The following TMEM244 variants were observed in gnomAD, a reference collection of about 807,000 sequenced individuals.
TMEM244 encodes the protein transmembrane protein 244.
Under a neutral mutation model 15.8 loss-of-function variants are expected in TMEM244, and 13 were observed. The ratio of observed to expected loss-of-function variants is 0.82; its 90% confidence interval spans 0.53 to 1.30. The LOEUF is 1.30. TMEM244 is among the 50% of genes most tolerant of loss of function. TMEM244 has a pLI of 0.00. For missense variants in TMEM244, 161 were observed against 144.9 expected (o/e 1.11, Z -0.57); for synonymous variants, 45 against 48.7 (o/e 0.92, Z 0.32).
intron 3 of TMEM244, among the ~76,000 whole-genome samples, chr6:129,835,414 A>AAC (rs1193891583): frequency 6.7e-6 from 1 of 150,228 alleles, no homozygotes; most frequent in African/African-American, 2.4e-5. Flanking sequence ...TAAAAAAAAA[A>AAC]AAAAAGAGTT....
chr6:129,848,114 C>A (rs551738656), intron 1 of TMEM244, among the ~76,000 whole-genome samples: 2 of 152,204 alleles, frequency 1.3e-5, no homozygotes, highest in Non-Finnish European at 2.9e-5. Flanking sequence ...TCCCTTATGA[C>A]CTTCAGTCTC....
intron 3 of TMEM244, 94 bp downstream of exon 3, chr6:129,843,436 A>C: frequency 1.2e-5 from 9 of 726,684 alleles, no homozygotes; most frequent in East Asian, 2.7e-5. Context: ...ACTGCGAGAC[A>C]GGCCTGATAT....
rs9492407 is a variant in TMEM244, at chr6:129,861,308, G to T, written c.-120C>A. 3 of 1,142,854 alleles carry T rather than the reference G, an allele frequency of 2.6e-6. No individual in the cohort carries two copies. The highest frequency in any genetic ancestry group is 2.8e-5 in the South Asian group (2 of 72,120). 70.8% of individuals were successfully genotyped at this position (1,142,854 alleles called of 1,614,324 possible). A position where few individuals can be genotyped will look rare whatever the true frequency, so the allele number is the denominator to read the frequency against. On this transcript the variant is annotated 5_prime_UTR_variant, in exon 1 of 5. Coordinates refer to ENST00000368143, the MANE Select transcript of TMEM244 (RefSeq NM_001010876.2). Reference sequence around the variant, plus strand: ...TACTCCTGGAGACTAAGTGTGAGACGCAGTAGTGCAGGATGATTGGATTAC... The same window carrying T: ...TACTCCTGGAGACTAAGTGTGAGACTCAGTAGTGCAGGATGATTGGATTAC...
intron 1 of TMEM244, among the ~76,000 whole-genome samples, chr6:129,856,120 C>A (rs752868825): frequency 6.6e-6 from 1 of 150,592 alleles, no homozygotes; most frequent in Non-Finnish European, 1.5e-5. Flanking sequence ...TTTTTATTTT[C>A]TGAGTGCCAT....
intron 1 of TMEM244, among the ~76,000 whole-genome samples, chr6:129,851,535 G>C (rs1776638085): frequency 6.6e-6 from 1 of 152,174 alleles, no homozygotes; most frequent in African/African-American, 2.4e-5. Flanking sequence ...CTCCCAAAGT[G>C]CTGGGATTAC....
rs899864 is a variant in TMEM244 at position 129,835,372 on chromosome 6, G to A, written c.194-1787C>T. 2.4e-4 allele frequency among the ~76,000 whole-genome samples: 36 copies of A among 148,304 alleles called. 1 individual carries two copies. Among genetic ancestry groups the A allele is most frequent in the South Asian group, 2.2e-4 (1 of 4,636 alleles). ...ATGATCATGCCACTGCACTGCACTC[G>A]AGACTGGGTGACAGAGTGAATCTCT... On this transcript the variant is annotated intron_variant, in intron 3 of 4. Coordinates refer to ENST00000368143, the MANE Select transcript of TMEM244 (RefSeq NM_001010876.2).
chr6:129,854,042 T>C (rs1212697294), intron 1 of TMEM244, among the ~76,000 whole-genome samples: 1 of 152,240 alleles, frequency 6.6e-6, no homozygotes, highest in Non-Finnish European at 1.5e-5. Context: ...GGATGTCTTC[T>C]AGATATCGTT....
chr6:129,855,325 G>A (rs977916478), intron 1 of TMEM244, among the ~76,000 whole-genome samples: 4 of 152,108 alleles, frequency 2.6e-5, no homozygotes, highest in Non-Finnish European at 5.9e-5. Flanking sequence ...AATGCACACC[G>A]TTCTAGACAG....
chr6:129,858,843 G>T (rs1027933514), intron 1 of TMEM244, among the ~76,000 whole-genome samples: 12 of 151,654 alleles, frequency 7.9e-5, no homozygotes, highest in Non-Finnish European at 1.6e-4. Flanking sequence ...ACCCAGGCTG[G>T]AGTACAGTGA....
intron 1 of TMEM244, among the ~76,000 whole-genome samples, chr6:129,846,987 C>T (rs2114641041): frequency 6.6e-6 from 1 of 152,144 alleles, no homozygotes; most frequent in South Asian, 2.1e-4. Flanking sequence ...CCAGACACCA[C>T]AATAAATTTC....
intron 1 of TMEM244, among the ~76,000 whole-genome samples, chr6:129,854,576 A>C (rs1018065024): frequency 3.3e-5 from 5 of 152,192 alleles, no homozygotes; most frequent in African/African-American, 1.2e-4. Flanking sequence ...CCAAATAAAC[A>C]TGTGGGTTAG....
At chr6:129,853,291 T>C (rs1048156283) in intron 1 of TMEM244, among the ~76,000 whole-genome samples, 10 of 151,890 alleles carry the variant, frequency 6.6e-5, no homozygotes, top group African/African-American at 2.4e-4. Flanking sequence ...CTCCTCTCTT[T>C]GGAAAACTAA....
intron 1 of TMEM244, among the ~76,000 whole-genome samples, chr6:129,859,229 G>A (rs1776765726): frequency 6.6e-6 from 1 of 152,162 alleles, no homozygotes; most frequent in South Asian, 2.1e-4. Flanking sequence ...TACAGGTAAA[G>A]TTTCATAAGG....
chr6:129,851,992 T>TA (rs1324965078), intron 1 of TMEM244, among the ~76,000 whole-genome samples: 1 of 152,212 alleles, frequency 6.6e-6, no homozygotes, highest in African/African-American at 2.4e-5. Flanking sequence ...TAAGGTAAGA[T>TA]AATGGTATGG....
At chr6:129,852,083 C>G (rs1402400375) in intron 1 of TMEM244, among the ~76,000 whole-genome samples, 4 of 151,734 alleles carry the variant, frequency 2.6e-5, no homozygotes, top group Non-Finnish European at 5.9e-5. Context: ...GGGTTAGCTT[C>G]AAAATAAAAA....
At chr6:129,854,895 G>A (rs1776684074) in intron 1 of TMEM244, among the ~76,000 whole-genome samples, 1 of 152,160 alleles carries the variant, frequency 6.6e-6, no homozygotes, top group Non-Finnish European at 1.5e-5. Context: ...TAGGCTCTTA[G>A]GAACAATCAT....
In TMEM244 at chr6:129,831,307, G is replaced by T; in HGVS notation, c.*12C>A. The stretch of plus-strand genomic sequence containing the variant: ...TTATTCTATTTAACATTATTTCTGT[G>T]CATTAGAGAATCTAAACAAGCAATT... On this transcript the variant is annotated 3_prime_UTR_variant, in exon 5 of 5. Transcript: ENST00000368143. The T allele has an allele frequency of 1.4e-6, 2 of 1,427,198 alleles. No homozygotes were observed. Among genetic ancestry groups the T allele is most frequent in the Non-Finnish European group, 2.0e-6 (2 of 1,012,396 alleles). The allele number at this position is 1,427,198 out of a possible 1,614,324, so 88.4% of individuals were successfully genotyped here.
At position 129,832,032 on chromosome 6, in the gene TMEM244, G is replaced by A. The variant is rs1472786892; in HGVS notation, c.320-646C>T. 4.0e-5 allele frequency among the ~76,000 whole-genome samples: 6 copies of A among 151,800 alleles called. No homozygotes were observed. In the East Asian group the frequency reaches 7.7e-4, roughly 19 times the overall value. ...TATACAGGCATTCTCTAATAGCAGCGAAGCTAGGAAGTTGTAGTTCATTTG... is the reference window on the plus strand; with the variant it reads ...TATACAGGCATTCTCTAATAGCAGCAAAGCTAGGAAGTTGTAGTTCATTTG... On this transcript the variant is annotated intron_variant, in intron 4 of 4. Transcript: ENST00000368143.
chr6:129,842,378 C>T (rs17474712), intron 3 of TMEM244, among the ~76,000 whole-genome samples: 2 of 152,056 alleles, frequency 1.3e-5, no homozygotes, highest in Non-Finnish European at 2.9e-5. Context: ...ATCTCAGAAT[C>T]GAAGTATCTT....
Sources: allele counts gnomAD v4.1 joint callset (sites outside exome capture counted in the v4.1 genomes callset), GRCh38; gene constraint gnomAD v4.1.1; transcripts MANE v1.5; gene names NCBI Gene and HGNC (gene_info 2026-07-23, HGNC 2026-07-21).